The following NSMCE2 variants were observed in gnomAD, a reference collection of about 807,000 sequenced individuals.
NSMCE2 encodes NSE2 SUMO ligase component of SMC5/6 complex, also known as E3 SUMO-protein ligase NSE2.
Under a neutral mutation model 23.8 loss-of-function variants are expected in NSMCE2, and 24 were observed. That is an observed-to-expected ratio of 1.01 (90% CI 0.73 to 1.42). The LOEUF (loss-of-function observed/expected upper bound fraction) is 1.42, where lower values mean the gene tolerates loss of function less well. Among genes scored for constraint, NSMCE2 ranks in the 40% most tolerant of loss-of-function variants. NSMCE2 has a pLI of 0.00. For missense variants in NSMCE2, 284 were observed against 296.5 expected, an observed-to-expected ratio of 0.96 and a Z score of 0.31; for synonymous variants, 92 against 94.1, an observed-to-expected ratio of 0.98 and a Z score of 0.13.
chr8:125,098,502 A>G (rs1393429671), intron 1 of NSMCE2, among the ~76,000 whole-genome samples: 1 of 152,148 alleles, frequency 6.6e-6, no homozygotes, highest in African/African-American at 2.4e-5. Context: ...TGTGTTGAGA[A>G]TAGGGTGGAA....
At chr8:125,133,816 A>G (rs1819906961) in intron 3 of NSMCE2, among the ~76,000 whole-genome samples, 1 of 149,508 alleles carries the variant, frequency 6.7e-6, no homozygotes, top group Non-Finnish European at 1.5e-5. Flanking sequence ...AAATTCTGTG[A>G]AATCAGAAAG....
intron 5 of NSMCE2, among the ~76,000 whole-genome samples, chr8:125,261,469 G>A (rs1261574438): frequency 2.0e-5 from 3 of 152,102 alleles, no homozygotes; most frequent in Non-Finnish European, 4.4e-5. Context: ...GTAATTGGGG[G>A]TATGACTTCA....
At chr8:125,196,148 T>A (rs138586812) in intron 5 of NSMCE2, among the ~76,000 whole-genome samples, 1 of 151,760 alleles carries the variant, frequency 6.6e-6, no homozygotes, top group Non-Finnish European at 1.5e-5. Context: ...CCTCCCAAAG[T>A]GCTGGGATCA....
intron 3 of NSMCE2, among the ~76,000 whole-genome samples, chr8:125,121,531 A>C (rs1819261216): frequency 6.6e-6 from 1 of 152,206 alleles, no homozygotes; most frequent in Admixed American, 6.5e-5. Context: ...GATCAGGAGA[A>C]CTACATGGTA....
At position 125,256,044 on chromosome 8, in the gene NSMCE2, G is replaced by A. The variant is rs142181646; in HGVS notation, c.418+73788G>A. ...CACGCCTGTAATCCCAGCACTTTGG[G>A]AGGCTGAGGCAGGTGGATCACAAGG... On this transcript the variant is annotated intron_variant, in intron 5 of 7. Coordinates refer to ENST00000287437, the MANE Select transcript of NSMCE2 (RefSeq NM_173685.4). 4.1e-3 allele frequency among the ~76,000 whole-genome samples: 630 copies of A among 152,320 alleles called. 8 individuals are homozygous for A. Among genetic ancestry groups the A allele is most frequent in the African/African-American group, 0.013 (555 of 41,554 alleles).
chr8:125,315,814 TTTTTTA>T (rs10558922), intron 5 of NSMCE2, among the ~76,000 whole-genome samples: 67,668 of 151,370 alleles, frequency 0.45, 17,485 homozygotes, highest in Middle Eastern at 0.55. Flanking sequence ...TTTCCCTCTC[TTTTTTA>T]AAGTCAGGGT....
At chr8:125,254,993 G>A (rs1361249265) in intron 5 of NSMCE2, among the ~76,000 whole-genome samples, 2 of 152,108 alleles carry the variant, frequency 1.3e-5, no homozygotes, top group Non-Finnish European at 2.9e-5. Flanking sequence ...AATAGAATAT[G>A]GCAGAAATGA....
At chr8:125,267,634 A>G (rs1313674577) in intron 5 of NSMCE2, among the ~76,000 whole-genome samples, 2 of 152,064 alleles carry the variant, frequency 1.3e-5, no homozygotes, top group Non-Finnish European at 2.9e-5. Flanking sequence ...CAATTAACCA[A>G]GTGTGGCTGT....
At chr8:125,242,369 G>A (rs1285296329) in intron 5 of NSMCE2, among the ~76,000 whole-genome samples, 2 of 151,966 alleles carry the variant, frequency 1.3e-5, no homozygotes, top group African/African-American at 4.8e-5. Context: ...CTGGTTCAAG[G>A]TGTTGACCTG....
At chr8:125,210,517 A>G (rs960789138) in intron 5 of NSMCE2, among the ~76,000 whole-genome samples, 4 of 152,182 alleles carry the variant, frequency 2.6e-5, no homozygotes, top group African/African-American at 9.7e-5. Flanking sequence ...AGAGAGAAAT[A>G]CATACTATAG....
At chr8:125,156,709 A>G (rs559423678) in intron 4 of NSMCE2, among the ~76,000 whole-genome samples, 1 of 152,336 alleles carries the variant, frequency 6.6e-6, no homozygotes, top group South Asian at 2.1e-4. Flanking sequence ...GATGTATGCT[A>G]TTGAAACCAA....
intron 5 of NSMCE2, among the ~76,000 whole-genome samples, chr8:125,263,988 G>A (rs1826810020): frequency 6.6e-6 from 1 of 152,180 alleles, no homozygotes. Context: ...CTGTTCTCAT[G>A]TCTCAGATAG....
At chr8:125,096,397 A>G (rs567835643) in intron 1 of NSMCE2, among the ~76,000 whole-genome samples, 1 of 152,318 alleles carries the variant, frequency 6.6e-6, no homozygotes, top group South Asian at 2.1e-4. Context: ...AAACAGTCCT[A>G]GAAGTTTGCT....
intron 3 of NSMCE2, among the ~76,000 whole-genome samples, chr8:125,124,781 T>C (rs1819434378): frequency 6.6e-6 from 1 of 152,060 alleles, no homozygotes; most frequent in Admixed American, 6.5e-5. Flanking sequence ...CCCAGCCTCC[T>C]CAGGATTTTG....
intron 5 of NSMCE2, among the ~76,000 whole-genome samples, chr8:125,209,742 C>T (rs565614302): frequency 2.6e-4 from 40 of 152,216 alleles, no homozygotes; most frequent in African/African-American, 8.7e-4. Flanking sequence ...AACTTAATTG[C>T]TACCATGTGG....
intron 5 of NSMCE2, among the ~76,000 whole-genome samples, chr8:125,208,067 A>G (rs1425077455): frequency 6.6e-6 from 1 of 152,178 alleles, no homozygotes; most frequent in African/African-American, 2.4e-5. Flanking sequence ...TCCAGCTCAT[A>G]TTCATTTGTT....
intron 5 of NSMCE2, among the ~76,000 whole-genome samples, chr8:125,206,243 A>G (rs1189505585): frequency 3.9e-5 from 6 of 152,240 alleles, no homozygotes; most frequent in African/African-American, 1.4e-4. Flanking sequence ...CAGTTAGATC[A>G]GATCATATGT....
chr8:125,175,503 A>G (rs1340221812), intron 4 of NSMCE2, among the ~76,000 whole-genome samples: 1 of 152,218 alleles, frequency 6.6e-6, no homozygotes, highest in Non-Finnish European at 1.5e-5. Flanking sequence ...CCTAAATGTA[A>G]ATCACTGGGT....
chr8:125,354,426 G>A (rs1024319593), intron 5 of NSMCE2, among the ~76,000 whole-genome samples: 7 of 152,026 alleles, frequency 4.6e-5, no homozygotes, highest in African/African-American at 1.7e-4. Context: ...TTCGATTACC[G>A]GATCAACAAT....
Sources: gnomAD v4.1 joint callset for allele counts (sites outside exome capture counted in the v4.1 genomes callset) on GRCh38, gnomAD v4.1.1 for gene constraint, MANE v1.5 for transcripts, NCBI Gene and HGNC (gene_info 2026-07-23, HGNC 2026-07-21) for gene names.